USP24: variants seen among roughly 807,000 people sequenced by gnomAD.
The protein encoded by USP24 is ubiquitin carboxyl-terminal hydrolase 24.
In USP24, 97 loss-of-function variants were observed where a neutral mutation model predicts 361.6. That is an observed-to-expected ratio of 0.27 (90% confidence interval 0.23 to 0.32). The LOEUF is 0.32. Among genes scored for constraint, USP24 ranks in the 10% least tolerant of loss-of-function variants. The pLI, the probability that USP24 is intolerant of heterozygous loss-of-function variation, is 1.00. For missense variants in USP24, 2,353 were observed against 3,165.6 expected (o/e 0.74, Z 6.16); for synonymous variants, 1,098 against 1,124.6 (o/e 0.98, Z 0.47).
chr1:55,082,305 G>C (rs1645164411), intron 58 of USP24, among the ~76,000 whole-genome samples: 1 of 152,154 alleles, frequency 6.6e-6, no homozygotes, highest in Non-Finnish European at 1.5e-5. Flanking sequence ...GGATGAAGCT[G>C]CTTAATTTTG....
intron 63 of USP24, 127 bp downstream of exon 63, chr1:55,075,330 G>A: frequency 1.2e-6 from 1 of 864,690 alleles, no homozygotes; most frequent in Non-Finnish European, 1.8e-6. Flanking sequence ...CAGTGGCCCT[G>A]ACCAGACTTC....
At chr1:55,193,900 C>T (rs945469655) in intron 1 of USP24, among the ~76,000 whole-genome samples, 8 of 152,082 alleles carry the variant, frequency 5.3e-5, no homozygotes, top group Non-Finnish European at 7.4e-5. Context: ...TCATTAAATG[C>T]GTTCAGACTG....
intron 1 of USP24, among the ~76,000 whole-genome samples, chr1:55,210,865 T>C (rs898080747): frequency 6.6e-6 from 1 of 152,212 alleles, no homozygotes; most frequent in Non-Finnish European, 1.5e-5. Flanking sequence ...GGAATATTAA[T>C]TAACAGCACT....
intron 1 of USP24, 146 bp from the exon 2 acceptor site, chr1:55,178,278 CAT>C: frequency 1.2e-6 from 1 of 856,564 alleles, no homozygotes; most frequent in Non-Finnish European, 1.8e-6. Context: ...CCTATAATCA[CAT>C]CTTTCACCAA....
At chr1:55,199,426 CTAAA>C (rs1458128329) in intron 1 of USP24, among the ~76,000 whole-genome samples, 2 of 151,972 alleles carry the variant, frequency 1.3e-5, no homozygotes, top group African/African-American at 4.8e-5. Context: ...TGAATATGAA[CTAAA>C]TAATAGACAA....
At chr1:55,097,829 G>A in intron 47 of USP24, 112 bp from the exon 48 acceptor site, 1 of 1,506,600 alleles carries the variant, frequency 6.6e-7, no homozygotes, top group Non-Finnish European at 8.9e-7. Flanking sequence ...AACAAGTAAT[G>A]ACACAATCTA....
intron 38 of USP24, among the ~76,000 whole-genome samples, chr1:55,115,863 T>C (rs1258647658): frequency 6.6e-6 from 1 of 152,202 alleles, no homozygotes; most frequent in African/African-American, 2.4e-5. Context: ...TCATACCCTT[T>C]GCAGGGACAC....
intron 44 of USP24, among the ~76,000 whole-genome samples, chr1:55,100,514 G>C (rs528928062): frequency 6.6e-6 from 1 of 151,616 alleles, no homozygotes; most frequent in Non-Finnish European, 1.5e-5. Flanking sequence ...AAAAAAAAGT[G>C]TTCTTTATTT....
chr1:55,119,224 A>G (rs1646207500), intron 38 of USP24, among the ~76,000 whole-genome samples: 1 of 152,240 alleles, frequency 6.6e-6, no homozygotes, highest in Admixed American at 6.5e-5. Context: ...ACAATGATAT[A>G]TAATTCAGCC....
intron 11 of USP24, 99 bp from the exon 12 acceptor site, chr1:55,157,150 T>C (rs570392658): frequency 2.9e-6 from 4 of 1,365,738 alleles, no homozygotes; most frequent in African/African-American, 2.9e-5. Flanking sequence ...TATAAGATCA[T>C]TTAAAGACTA....
At position 55,101,936 on chromosome 1, in the gene USP24, G is replaced by A. The variant is rs184142173; in HGVS notation, c.5026-233C>T. On this transcript the variant is annotated intron_variant, in intron 42 of 67. Transcript: ENST00000294383. ...TCAGTCATAAAATACCTGGCAGATAGGTGTGTATTTGTTTATTTATATAAT... is the reference window on the plus strand; with the variant it reads ...TCAGTCATAAAATACCTGGCAGATAAGTGTGTATTTGTTTATTTATATAAT... Among the ~76,000 whole-genome samples the A allele has an allele frequency of 2.5e-3, 381 of 152,178 alleles. 2 individuals carry two copies. Among genetic ancestry groups the A allele is most frequent in the African/African-American group, 8.4e-3 (347 of 41,516 alleles).
At chr1:55,076,419 T>C (rs1285193317) in intron 62 of USP24, among the ~76,000 whole-genome samples, 1 of 152,224 alleles carries the variant, frequency 6.6e-6, no homozygotes, top group Non-Finnish European at 1.5e-5. Context: ...TGATGTCTTT[T>C]CTTACTCAAA....
Position 55,099,841 on chromosome 1 carries a change from TA to T in USP24, c.5299del (p.Tyr1767MetfsTer2). ...KIFKMWNKEL[Y>X]VREQQDAYEF... ...ATATGCATCCTGCTGTTCTCTCACA[TA>T]AAGTTCTTTATTCCACATCTTGAAA... On this transcript the variant is annotated frameshift_variant, in exon 45 of 68. Transcript: ENST00000294383. LOFTEE classifies it high-confidence loss of function. 6.4e-7 allele frequency: 1 copy of T among 1,555,294 alleles called. No homozygotes were observed.
At chr1:55,072,257 A>T in intron 66 of USP24, 60 bp downstream of exon 66, 1 of 1,448,636 alleles carries the variant, frequency 6.9e-7, no homozygotes, top group Admixed American at 1.9e-5. Context: ...TTTCTGAGAA[A>T]CACACTGAAA....
chr1:55,150,496 G>A (rs149114324), intron 16 of USP24, among the ~76,000 whole-genome samples: 1 of 152,106 alleles, frequency 6.6e-6, no homozygotes, highest in Non-Finnish European at 1.5e-5. Context: ...CAAAATGACA[G>A]TAATAAAAAC....
chr1:55,074,107 TAAAA>T (rs34911935), intron 63 of USP24, among the ~76,000 whole-genome samples: 1 of 123,482 alleles, frequency 8.1e-6, no homozygotes, highest in Non-Finnish European at 1.7e-5. Context: ...TAAGTATGTT[TAAAA>T]AAAAAAAAAA....
rs533253021 is a variant in USP24, at chr1:55,186,371, T to C, written c.325-8239A>G. Among the ~76,000 whole-genome samples, 6 of 152,310 alleles carry C rather than the reference T, an allele frequency of 3.9e-5. No homozygotes were observed. The South Asian group carries it at 1.0e-3, about 26-fold the overall frequency. Reference sequence around the variant, plus strand: ...TACAATGAATAACACTATGGAGGTTTCTCAAAAACTTAAATGGAACTACCA... The same window carrying C: ...TACAATGAATAACACTATGGAGGTTCCTCAAAAACTTAAATGGAACTACCA... On this transcript the variant is annotated intron_variant, in intron 1 of 67. Transcript: ENST00000294383.
At chr1:55,124,198 C>T (rs1646362044) in intron 35 of USP24, among the ~76,000 whole-genome samples, 1 of 152,152 alleles carries the variant, frequency 6.6e-6, no homozygotes, top group Admixed American at 6.5e-5. Flanking sequence ...TTTCATGACA[C>T]TTTTATACTC....
chr1:55,193,548 A>G (rs1429750235), intron 1 of USP24, among the ~76,000 whole-genome samples: 1 of 152,154 alleles, frequency 6.6e-6, no homozygotes, highest in African/African-American at 2.4e-5. Flanking sequence ...TCCTTAGGGC[A>G]TCTCCAGTGA....
Sources: allele counts gnomAD v4.1 joint callset (sites outside exome capture counted in the v4.1 genomes callset), GRCh38; gene constraint gnomAD v4.1.1; transcripts MANE v1.5; gene names NCBI Gene and HGNC (gene_info 2026-07-23, HGNC 2026-07-21).